The following ABCG5 variants were observed in gnomAD, a reference collection of about 807,000 sequenced individuals.
The protein encoded by ABCG5 is ATP binding cassette subfamily G member 5, also known as ATP-binding cassette sub-family G member 5.
ABCG5 carries 64 observed loss-of-function variants against 64.5 expected under a neutral mutation model. The ratio of observed to expected loss-of-function variants is 0.99; its 90% CI spans 0.81 to 1.22. The LOEUF is 1.22. Among genes scored for constraint, ABCG5 ranks in the 50% most tolerant of loss-of-function variants. ABCG5 has a pLI of 0.00. For missense variants in ABCG5, 908 were observed against 829.5 expected (o/e 1.09, Z -1.16); for synonymous variants, 385 against 326.3 (o/e 1.18, Z -1.94).
At chr2:43,808,107 A>G (rs568956263), downstream of ABCG5, among the ~76,000 whole-genome samples, 7 of 152,334 alleles carry the variant, frequency 4.6e-5, no homozygotes, top group South Asian at 1.4e-3. Flanking sequence ...GCAGTAAACA[A>G]TTTGTTTATT....
intron 10 of ABCG5, among the ~76,000 whole-genome samples, chr2:43,821,467 A>G (rs929666933): frequency 1.3e-5 from 2 of 152,192 alleles, no homozygotes; most frequent in African/African-American, 4.8e-5. Context: ...CCAGGATTTC[A>G]GAGTCTGAGG....
chr2:43,809,686 A>G (rs534351440), downstream of ABCG5: 14 of 1,582,302 alleles, frequency 8.8e-6, no homozygotes, highest in Admixed American at 1.8e-5. Context: ...TCTTAAAGTG[A>G]TACATATTTT....
chr2:43,810,440 C>A (rs1244322607), downstream of ABCG5: 4 of 985,220 alleles, frequency 4.1e-6, no homozygotes, highest in East Asian at 4.5e-4. Context: ...TTGCGGATAA[C>A]CAGGATTATT....
downstream of ABCG5, among the ~76,000 whole-genome samples, chr2:43,810,671 G>C (rs1300187435): frequency 3.3e-5 from 5 of 152,154 alleles, no homozygotes; most frequent in African/African-American, 1.2e-4. Flanking sequence ...TCTGCTTATT[G>C]CAATGAACTA....
At chr2:43,810,633 G>T, downstream of ABCG5, 1 of 536,928 alleles carries the variant, frequency 1.9e-6, no homozygotes, top group Non-Finnish European at 2.4e-6. Flanking sequence ...TACCCCAAGG[G>T]AGTACTGTCT....
At chr2:43,826,349 A>G in intron 6 of ABCG5, 33 bp downstream of exon 6, 1 of 1,613,186 alleles carries the variant, frequency 6.2e-7, no homozygotes, top group Non-Finnish European at 8.5e-7. Context: ...TCAACACACC[A>G]TAGACCCGGC....
intron 7 of ABCG5, 171 bp downstream of exon 7, chr2:43,824,718 T>G (rs967490123): frequency 3.0e-5 from 28 of 924,796 alleles, no homozygotes; most frequent in Middle Eastern, 5.5e-4. Context: ...CTCATTCTGA[T>G]AGTCATCTCT....
At chr2:43,834,325 C>A (rs1294711563) in intron 2 of ABCG5, among the ~76,000 whole-genome samples, 1 of 152,220 alleles carries the variant, frequency 6.6e-6, no homozygotes, top group Non-Finnish European at 1.5e-5. Flanking sequence ...CCCACCACTT[C>A]ATCAAAACTG....
intron 6 of ABCG5, among the ~76,000 whole-genome samples, chr2:43,825,508 C>T (rs116638487): frequency 6.6e-6 from 1 of 152,326 alleles, no homozygotes; most frequent in Non-Finnish European, 1.5e-5. Flanking sequence ...CGTGGAAAAA[C>T]ACAGCCTTTG....
At chr2:43,836,598 C>T (rs1349164523) in intron 2 of ABCG5, among the ~76,000 whole-genome samples, 2 of 152,178 alleles carry the variant, frequency 1.3e-5, no homozygotes, top group African/African-American at 4.8e-5. Flanking sequence ...AGAACGTCAG[C>T]TGCAGAAGAT....
At chr2:43,829,462 C>A (rs1251682315) in intron 4 of ABCG5, among the ~76,000 whole-genome samples, 1 of 152,198 alleles carries the variant, frequency 6.6e-6, no homozygotes, top group East Asian at 1.9e-4. Flanking sequence ...TACTTAAAGC[C>A]TGTAACTCCC....
rs1414233336 is a variant in ABCG5 at position 43,831,765 on chromosome 2, C to T, written c.501+4G>A. ...GCCCTCTGTGAGCGGGGGGCTGCAC[C>T]CACCTTCTTCTGGAAGGAGCCGGGA... On this transcript the variant is annotated splice_donor_region_variant and intron_variant, in intron 4 of 12. Coordinates refer to ENST00000405322, the MANE Select transcript of ABCG5 (RefSeq NM_022436.3). 1 of 1,574,362 alleles carries T rather than the reference C, an allele frequency of 6.4e-7. No individual in the cohort carries two copies.
At chr2:43,834,947 T>A (rs1668170318) in intron 2 of ABCG5, among the ~76,000 whole-genome samples, 1 of 152,222 alleles carries the variant, frequency 6.6e-6, no homozygotes, top group South Asian at 2.1e-4. Context: ...ACCAATGAAA[T>A]TGTCATTTTA....
At chr2:43,832,131 C>G in intron 2 of ABCG5, 48 bp from the exon 3 acceptor site, 1 of 1,554,254 alleles carries the variant, frequency 6.4e-7, no homozygotes, top group Non-Finnish European at 8.7e-7. Flanking sequence ...CTGTGCCGGC[C>G]TTGGAGGAGC....
At chr2:43,823,708 G>A (rs974535182) in intron 9 of ABCG5, among the ~76,000 whole-genome samples, 2 of 152,158 alleles carry the variant, frequency 1.3e-5, no homozygotes, top group Non-Finnish European at 2.9e-5. Flanking sequence ...TGGATCCTTA[G>A]CCCTCAGAGA....
At chr2:43,815,203 T>C (rs993607786) in intron 11 of ABCG5, among the ~76,000 whole-genome samples, 1 of 152,178 alleles carries the variant, frequency 6.6e-6, no homozygotes, top group Non-Finnish European at 1.5e-5. Flanking sequence ...GAAAATGAAA[T>C]ATGTCTCCTC....
In ABCG5 at chr2:43,831,836, C is replaced by T. The variant is rs1667964046; in HGVS notation, c.434G>A (p.Arg145His). Residue 145 changes from arginine (R) to histidine (H), a missense_variant, in exon 4 of 13, where the codon CGC becomes CAC. Transcript: ENST00000405322. Reference sequence around the variant, plus strand: ...CAGCGCGGTGTAGTGCAGCGTCTCGCGCACGGTGAGGCTGCTCAGCAGGGT... The same window carrying T: ...CAGCGCGGTGTAGTGCAGCGTCTCGTGCACGGTGAGGCTGCTCAGCAGGGT... ...SDTLLSSLTV[R>H]ETLHYTALLA... The T allele has an allele frequency of 1.5e-5, 23 of 1,585,258 alleles. No homozygotes were observed. Among genetic ancestry groups the T allele is most frequent in the East Asian group, 6.8e-5 (3 of 43,812 alleles).
At position 43,813,110 on chromosome 2, in the gene ABCG5, C is replaced by T; in HGVS notation, c.*6G>A. On this transcript the variant is annotated 3_prime_UTR_variant, in exon 13 of 13. Transcript: ENST00000405322. Reference sequence around the variant, plus strand: ...TTCACTTCCATTTTCCCAGCCATGGCTTTCACTACCTGCTAATGAGATGAT... The same window carrying T: ...TTCACTTCCATTTTCCCAGCCATGGTTTTCACTACCTGCTAATGAGATGAT... 3 of 1,111,116 alleles carry T rather than the reference C, an allele frequency of 2.7e-6. No individual in the cohort carries two copies. The highest frequency in any genetic ancestry group is 4.2e-6 in the Non-Finnish European group (3 of 720,840). 68.8% of individuals were successfully genotyped at this position (1,111,116 alleles called of 1,614,324 possible).
Position 43,814,509 on chromosome 2 carries a change from A to T in ABCG5, c.1730T>A (p.Val577Asp). The T allele has an allele frequency of 6.2e-7, 1 of 1,608,820 alleles. No individual in the cohort carries two copies. The highest frequency in any genetic ancestry group is 8.5e-7 in the Non-Finnish European group (1 of 1,175,484). The stretch of plus-strand genomic sequence containing the variant: ...GAAATTCAGTCCGTAGAACTCATTG[A>T]CTACAAGAATCTCACTGCAATATTT... ...FQKYCSEILVVNEFYGLNFTC... is the reference protein window; with the variant it reads ...FQKYCSEILVDNEFYGLNFTC... Residue 577 changes from valine (V) to aspartate (D), a missense_variant, in exon 12 of 13, where the codon GTC becomes GAC. Physicochemically the swap from Val to Asp is radical, Grantham distance 152. Transcript: ENST00000405322.
Sources: gnomAD v4.1 joint callset for allele counts (sites outside exome capture counted in the v4.1 genomes callset) on GRCh38, gnomAD v4.1.1 for gene constraint, MANE v1.5 for transcripts, NCBI Gene and HGNC (gene_info 2026-07-23, HGNC 2026-07-21) for gene names.